Variants in GRIN2A observed in about 807,000 individuals in gnomAD.
GRIN2A encodes the protein glutamate ionotropic receptor NMDA type subunit 2A.
GRIN2A carries 22 observed loss-of-function variants against 113.4 expected under a neutral mutation model. The observed-to-expected ratio is 0.19, with a 90% CI of 0.14 to 0.28. The LOEUF (loss-of-function observed/expected upper bound fraction) is 0.28, where lower values mean the gene tolerates loss of function less well. GRIN2A is among the 10% of genes least tolerant of loss of function. GRIN2A has a pLI of 1.00. For missense variants in GRIN2A, 1,502 were observed against 1,887.0 expected (o/e 0.80, Z 3.78); for synonymous variants, 827 against 738.4 (o/e 1.12, Z -1.94).
intron 2 of GRIN2A, among the ~76,000 whole-genome samples, chr16:10,174,303 A>T (rs1272329574): frequency 6.6e-6 from 1 of 152,228 alleles, no homozygotes; most frequent in African/African-American, 2.4e-5. Context: ...CTAAGCCTGT[A>T]CCACAGGCCA....
intron 2 of GRIN2A, among the ~76,000 whole-genome samples, chr16:9,981,177 C>T (rs1175172645): frequency 2.0e-5 from 3 of 152,088 alleles, no homozygotes; most frequent in African/African-American, 7.2e-5. Context: ...ACTGAAAATG[C>T]CATCCATGCT....
chr16:9,982,822 A>T (rs564818016), intron 2 of GRIN2A, among the ~76,000 whole-genome samples: 3 of 152,122 alleles, frequency 2.0e-5, no homozygotes, highest in South Asian at 2.1e-4. Flanking sequence ...GTTCATTTCC[A>T]CCCTACACCT....
chr16:10,113,020 G>C, intron 2 of GRIN2A: 1 of 298,980 alleles, frequency 3.3e-6, no homozygotes, highest in East Asian at 8.5e-5. Context: ...GAGAGGAGGA[G>C]AGGTCCTGAA....
At chr16:9,768,275 A>T (rs1901042530) in intron 12 of GRIN2A, among the ~76,000 whole-genome samples, 2 of 152,162 alleles carry the variant, frequency 1.3e-5, no homozygotes, top group African/African-American at 4.8e-5. Flanking sequence ...GATGGTCTCG[A>T]TCTCCTGACC....
intron 2 of GRIN2A, among the ~76,000 whole-genome samples, chr16:10,126,271 T>A (rs1175145150): frequency 2.0e-5 from 3 of 151,916 alleles, no homozygotes; most frequent in African/African-American, 4.8e-5. Context: ...CAAGTGATCC[T>A]CCTGCCTCAG....
At chr16:9,864,912 GC>G (rs1438499989) in intron 4 of GRIN2A, among the ~76,000 whole-genome samples, 1 of 152,114 alleles carries the variant, frequency 6.6e-6, no homozygotes, top group Non-Finnish European at 1.5e-5. Flanking sequence ...GGTGCCTGAG[GC>G]CCTGCTAGTT....
chr16:9,800,587 C>A (rs532765480), intron 10 of GRIN2A, among the ~76,000 whole-genome samples: 14 of 151,544 alleles, frequency 9.2e-5, no homozygotes, highest in Middle Eastern at 3.4e-3. Flanking sequence ...CCGTGTTCTT[C>A]ATTTTAATTT....
intron 2 of GRIN2A, among the ~76,000 whole-genome samples, chr16:10,100,938 C>A (rs778010174): frequency 2.6e-5 from 4 of 152,202 alleles, no homozygotes; most frequent in Admixed American, 6.5e-5. Context: ...ACACTTGGAT[C>A]CGATCTGCCT....
intron 2 of GRIN2A, among the ~76,000 whole-genome samples, chr16:10,007,654 C>A (rs1169267416): frequency 6.6e-6 from 1 of 151,760 alleles, no homozygotes; most frequent in Non-Finnish European, 1.5e-5. Flanking sequence ...GCCCATTTTG[C>A]TTTGGTTGCC....
chr16:9,828,621 A>G (rs2042430435), intron 9 of GRIN2A, among the ~76,000 whole-genome samples: 1 of 152,192 alleles, frequency 6.6e-6, no homozygotes, highest in Non-Finnish European at 1.5e-5. Flanking sequence ...TTCCTGAACT[A>G]AAGTCTCAAT....
chr16:10,039,572 G>T (rs953998947), intron 2 of GRIN2A, among the ~76,000 whole-genome samples: 1 of 151,996 alleles, frequency 6.6e-6, no homozygotes, highest in Non-Finnish European at 1.5e-5. Context: ...AGAACAGAGG[G>T]CAGCGAGGAC....
chr16:9,982,082 C>T (rs1436389130), intron 2 of GRIN2A, among the ~76,000 whole-genome samples: 1 of 152,182 alleles, frequency 6.6e-6, no homozygotes, highest in Non-Finnish European at 1.5e-5. Flanking sequence ...GCCCCGCAGC[C>T]AGTGTAATTA....
chr16:9,792,299 T>C (rs540428703), intron 11 of GRIN2A, among the ~76,000 whole-genome samples: 1 of 152,164 alleles, frequency 6.6e-6, no homozygotes, highest in Admixed American at 6.5e-5. Context: ...CATGGCTCAC[T>C]GCAGCCTCAA....
intron 2 of GRIN2A, among the ~76,000 whole-genome samples, chr16:10,158,356 G>C (rs2049745620): frequency 1.3e-5 from 2 of 152,266 alleles, no homozygotes; most frequent in South Asian, 4.1e-4. Context: ...GGAGTAGGGG[G>C]ATATCTATCC....
intron 2 of GRIN2A, among the ~76,000 whole-genome samples, chr16:10,063,810 AACTTCTAGACGT>A (rs1343993132): frequency 6.6e-6 from 1 of 152,132 alleles, no homozygotes; most frequent in Admixed American, 6.5e-5. Flanking sequence ...AAATATTGGA[AACTTCTAGACGT>A]ACAGTAGCCT....
chr16:10,084,177 T>A (rs2048040688), intron 2 of GRIN2A, among the ~76,000 whole-genome samples: 1 of 152,190 alleles, frequency 6.6e-6, no homozygotes, highest in African/African-American at 2.4e-5. Flanking sequence ...CCTGGTGACA[T>A]GTCTTCAGCA....
Position 9,872,856 on chromosome 16 carries a change from C to A in GRIN2A, c.1122+18130G>T, listed in dbSNP as rs562658799. Among the ~76,000 whole-genome samples, 3 of 149,834 alleles carry A rather than the reference C, an allele frequency of 2.0e-5. No individual in the cohort carries two copies. In the South Asian group the frequency reaches 6.4e-4, roughly 32 times the overall value. ...ACTAGCCTGAGTAACATGGCGAAACCCTATCTCTACAAAAACAAAACAAAA... is the reference window on the plus strand; with the variant it reads ...ACTAGCCTGAGTAACATGGCGAAACACTATCTCTACAAAAACAAAACAAAA... On this transcript the variant is annotated intron_variant, in intron 4 of 12. Coordinates refer to ENST00000330684, the MANE Select transcript of GRIN2A (RefSeq NM_001134407.3).
At chr16:9,998,946 G>C (rs140571116) in intron 2 of GRIN2A, among the ~76,000 whole-genome samples, 2 of 152,122 alleles carry the variant, frequency 1.3e-5, no homozygotes, top group Admixed American at 6.6e-5. Flanking sequence ...GTGCGGGTAG[G>C]GGGTGTGGAA....
chr16:9,850,048 A>T (rs2042856207), intron 4 of GRIN2A, 87 bp from the exon 5 acceptor site: 2 of 1,148,896 alleles, frequency 1.7e-6, no homozygotes, highest in African/African-American at 3.0e-5. Flanking sequence ...AGAGACATCC[A>T]TCCGTCTCAA....
Sources: gnomAD v4.1 joint callset for allele counts (sites outside exome capture counted in the v4.1 genomes callset) on GRCh38, gnomAD v4.1.1 for gene constraint, MANE v1.5 for transcripts, NCBI Gene and HGNC (gene_info 2026-07-23, HGNC 2026-07-21) for gene names.